TSHZ2: variants seen among roughly 807,000 people sequenced by gnomAD.
TSHZ2 encodes teashirt homolog 2.
Under a neutral mutation model 74.4 loss-of-function variants are expected in TSHZ2, and 21 were observed. The ratio of observed to expected loss-of-function variants is 0.28; its 90% CI spans 0.20 to 0.41. TSHZ2 has a LOEUF of 0.41. Among genes scored for constraint, TSHZ2 ranks in the 10% least tolerant of loss-of-function variants. The probability of loss-of-function intolerance (pLI) is 1.00; values close to 1 mark genes in which losing one functional copy is unlikely to be tolerated. For synonymous variants in TSHZ2, 540 were observed against 515.3 expected (o/e 1.05, Z -0.65); for missense variants, 1,244 against 1,293.5 (o/e 0.96, Z 0.59).
chr20:53,391,131 T>TTTTG (rs1458272315), intron 2 of TSHZ2, among the ~76,000 whole-genome samples: 19 of 147,852 alleles, frequency 1.3e-4, no homozygotes, highest in Admixed American at 2.7e-4. Context: ...TTTTGTTTTG[T>TTTTG]TTTGTTTTGT....
At position 53,300,502 on chromosome 20, in the gene TSHZ2, G is replaced by A. The variant is rs538987115; in HGVS notation, c.*8+43931G>A. Among the ~76,000 whole-genome samples the A allele has an allele frequency of 3.9e-5, 6 of 152,294 alleles. No individual in the cohort carries two copies. In the East Asian group the frequency reaches 5.8e-4, roughly 15 times the overall value. ...TCTTGACAAAGGATTTGAAGGGTTA[G>A]TATTTTCTTTCTCCTTCTTCTCTCT... On this transcript the variant is annotated intron_variant, in intron 2 of 2. Transcript: ENST00000371497.
chr20:53,104,839 G>A (rs1389074756), intron 1 of TSHZ2, among the ~76,000 whole-genome samples: 3 of 152,086 alleles, frequency 2.0e-5, no homozygotes, highest in African/African-American at 4.8e-5. Flanking sequence ...GCAAGGCATC[G>A]AAGCAATTAC....
At chr20:53,204,695 C>A (rs1271722648) in intron 1 of TSHZ2, among the ~76,000 whole-genome samples, 1 of 152,068 alleles carries the variant, frequency 6.6e-6, no homozygotes, top group East Asian at 1.9e-4. Flanking sequence ...GTTTTTTGTG[C>A]TTTCTTTTAT....
rs142525156 is a variant in TSHZ2 at position 53,244,288 on chromosome 20, G to A, written c.41-9211G>A. Among the ~76,000 whole-genome samples, 657 of 152,116 alleles carry A rather than the reference G, an allele frequency of 4.3e-3. 8 individuals carry two copies. The highest frequency in any genetic ancestry group is 0.015 in the African/African-American group (641 of 41,498). ...TTATATATCCTTATGCGGAATAAAC[G>A]TATAGAAAATAAGCATGCATGACTT... On this transcript the variant is annotated intron_variant, in intron 1 of 2. Coordinates refer to ENST00000371497, the MANE Select transcript of TSHZ2 (RefSeq NM_173485.6).
At chr20:52,986,922 T>G (rs1163862724) in intron 1 of TSHZ2, among the ~76,000 whole-genome samples, 4 of 151,142 alleles carry the variant, frequency 2.6e-5, no homozygotes, top group African/African-American at 7.3e-5. Flanking sequence ...TTTGTGTGTT[T>G]TGTGTGTGTG....
At chr20:53,154,714 C>T (rs1265144005) in intron 1 of TSHZ2, among the ~76,000 whole-genome samples, 1 of 152,150 alleles carries the variant, frequency 6.6e-6, no homozygotes, top group Non-Finnish European at 1.5e-5. Flanking sequence ...GATTCTGAGT[C>T]AGTGAACATC....
intron 1 of TSHZ2, among the ~76,000 whole-genome samples, chr20:53,004,694 G>A (rs1044270557): frequency 5.3e-5 from 8 of 152,240 alleles, no homozygotes; most frequent in African/African-American, 1.9e-4. Flanking sequence ...ATGTGTGGGC[G>A]TCCGTGTGAC....
intron 2 of TSHZ2, among the ~76,000 whole-genome samples, chr20:53,297,550 C>A (rs1325115319): frequency 6.6e-6 from 1 of 152,222 alleles, no homozygotes; most frequent in Non-Finnish European, 1.5e-5. Context: ...GCCACTGCAC[C>A]TGGCCATAGA....
chr20:53,427,751 G>A (rs1249297891), intron 2 of TSHZ2, among the ~76,000 whole-genome samples: 1 of 152,154 alleles, frequency 6.6e-6, no homozygotes, highest in Non-Finnish European at 1.5e-5. Flanking sequence ...CATACAATGT[G>A]CCCCCCAACT....
At chr20:53,341,454 G>C (rs1043102957) in intron 2 of TSHZ2, among the ~76,000 whole-genome samples, 15 of 151,924 alleles carry the variant, frequency 9.9e-5, no homozygotes, top group Non-Finnish European at 8.8e-5. Context: ...CCCTTGCTAA[G>C]GCTTTTCATG....
chr20:53,445,615 G>A (rs756264126), intron 2 of TSHZ2, among the ~76,000 whole-genome samples: 1 of 152,122 alleles, frequency 6.6e-6, no homozygotes, highest in Non-Finnish European at 1.5e-5. Context: ...TGGCCAATTC[G>A]AAGATGTCCA....
chr20:53,373,267 T>G (rs1343994201), intron 2 of TSHZ2, among the ~76,000 whole-genome samples: 1 of 152,222 alleles, frequency 6.6e-6, no homozygotes, highest in Non-Finnish European at 1.5e-5. Context: ...GCACATCAAT[T>G]TAAAATCACC....
At chr20:53,253,240 A>G (rs1394037820) in intron 1 of TSHZ2, among the ~76,000 whole-genome samples, 2 of 151,080 alleles carry the variant, frequency 1.3e-5, no homozygotes, top group African/African-American at 4.9e-5. Context: ...TATTCCTTAA[A>G]CCTGAAAATT....
intron 1 of TSHZ2, among the ~76,000 whole-genome samples, chr20:53,230,906 A>T (rs866924038): frequency 1.4e-4 from 21 of 152,122 alleles, no homozygotes; most frequent in African/African-American, 4.8e-4. Flanking sequence ...AAAAAGAAAA[A>T]ATATTTTCAA....
In TSHZ2 at chr20:53,255,426, G is replaced by A. The variant is rs778357269; in HGVS notation, c.1968G>A (p.Lys656=). The part of the protein sequence containing the change: ...TELGPLKEEE[K]LMKEGSEKEK... ...TGGGTCCCCTGAAGGAGGAGGAGAA[G>A]CTGATGAAAGAGGGCAGCGAGAAGG... Residue 656 remains lysine (K), a synonymous_variant, in exon 2 of 3, where the codon AAG becomes AAA. Coordinates refer to ENST00000371497, the MANE Select transcript of TSHZ2 (RefSeq NM_173485.6). The surrounding 1 kb of genome is among the most constrained non-coding windows in gnomAD (Gnocchi z 4.1). 6.2e-7 allele frequency: 1 copy of A among 1,612,998 alleles called. No homozygotes were observed. The highest frequency in any genetic ancestry group is 1.1e-5 in the South Asian group (1 of 91,074).
At chr20:53,092,989 G>A (rs566426381) in intron 1 of TSHZ2, among the ~76,000 whole-genome samples, 23 of 152,250 alleles carry the variant, frequency 1.5e-4, no homozygotes, top group South Asian at 8.3e-4. Flanking sequence ...GCGGTGAGCC[G>A]GATATGGCCC....
At chr20:53,379,716 G>A (rs1219775613) in intron 2 of TSHZ2, among the ~76,000 whole-genome samples, 1 of 152,200 alleles carries the variant, frequency 6.6e-6, no homozygotes, top group East Asian at 1.9e-4. Context: ...AAGTTTCTAA[G>A]GGACACCTTT....
chr20:53,183,261 A>G (rs965003323), intron 1 of TSHZ2, among the ~76,000 whole-genome samples: 5 of 152,202 alleles, frequency 3.3e-5, no homozygotes, highest in Non-Finnish European at 7.3e-5. Flanking sequence ...AGAATATTTC[A>G]GGTCACCCAA....
At chr20:53,059,605 A>G (rs536162980) in intron 1 of TSHZ2, among the ~76,000 whole-genome samples, 1 of 152,342 alleles carries the variant, frequency 6.6e-6, no homozygotes, top group East Asian at 1.9e-4. Flanking sequence ...TTTTAGGGAT[A>G]ATGTAATGAA....
Sources: gnomAD v4.1 joint callset for allele counts (sites outside exome capture counted in the v4.1 genomes callset) on GRCh38, gnomAD v4.1.1 for gene constraint, Gnocchi (gnomAD v3.1) non-coding constraint, MANE v1.5 for transcripts, NCBI Gene and HGNC (gene_info 2026-07-23, HGNC 2026-07-21) for gene names.